The following SCN8A variants were observed in gnomAD, a reference collection of about 807,000 sequenced individuals.
The protein encoded by SCN8A is sodium channel protein type 8 subunit alpha.
Under a neutral mutation model 184.1 loss-of-function variants are expected in SCN8A, and 30 were observed. The ratio of observed to expected loss-of-function variants is 0.16; its 90% CI spans 0.12 to 0.22. The LOEUF is 0.22. Among genes scored for constraint, SCN8A ranks in the 10% least tolerant of loss-of-function variants. The pLI, the probability that SCN8A is intolerant of heterozygous loss-of-function variation, is 1.00. For synonymous variants in SCN8A, 852 were observed against 907.0 expected, an observed-to-expected ratio of 0.94 and a Z score of 1.09; for missense variants, 1,057 against 2,498.9, an observed-to-expected ratio of 0.42 and a Z score of 12.30.
chr12:51,794,909 C>G (rs1179691548), intron 26 of SCN8A, among the ~76,000 whole-genome samples: 3 of 151,844 alleles, frequency 2.0e-5, no homozygotes, highest in Non-Finnish European at 4.4e-5. Context: ...TTGGTTCTTG[C>G]TTTTAAGGAG....
At chr12:51,782,900 C>T (rs1198080095) in intron 21 of SCN8A, among the ~76,000 whole-genome samples, 1 of 152,136 alleles carries the variant, frequency 6.6e-6, no homozygotes, top group East Asian at 1.9e-4. Flanking sequence ...TTGGAGGTCC[C>T]GAATGAATAA....
intron 7 of SCN8A, among the ~76,000 whole-genome samples, chr12:51,700,446 T>C (rs942180774): frequency 6.6e-6 from 1 of 152,222 alleles, no homozygotes; most frequent in Admixed American, 6.5e-5. Context: ...AACTCAAATT[T>C]TCTTAATACT....
chr12:51,785,112 C>T (rs914292483), intron 21 of SCN8A, among the ~76,000 whole-genome samples: 5 of 152,184 alleles, frequency 3.3e-5, no homozygotes, highest in African/African-American at 1.2e-4. Flanking sequence ...TTCTTTTGCA[C>T]ATTTCATTGC....
At chr12:51,800,824 G>C (rs1451841749) in intron 26 of SCN8A, among the ~76,000 whole-genome samples, 2 of 152,206 alleles carry the variant, frequency 1.3e-5, no homozygotes, top group Admixed American at 1.3e-4. Flanking sequence ...CAGTTACCCT[G>C]GTAAAAGACC....
chr12:51,796,377 A>G (rs2138922891), intron 26 of SCN8A, among the ~76,000 whole-genome samples: 1 of 152,224 alleles, frequency 6.6e-6, no homozygotes. Context: ...TGCTCTTGAA[A>G]CTTTCCTGGC....
chr12:51,722,109 G>A (rs1241499511), intron 12 of SCN8A: 7 of 777,906 alleles, frequency 9.0e-6, no homozygotes, highest in African/African-American at 8.7e-5. Flanking sequence ...TCTCTCTTCA[G>A]TTTTCCCCCT....
chr12:51,796,459 A>G (rs536279532), intron 26 of SCN8A, among the ~76,000 whole-genome samples: 1 of 152,362 alleles, frequency 6.6e-6, no homozygotes, highest in African/African-American at 2.4e-5. Context: ...GTACTCTAAA[A>G]AGAGGAAGAT....
intron 26 of SCN8A, among the ~76,000 whole-genome samples, chr12:51,800,099 G>A (rs2099715): frequency 0.11 from 16,230 of 152,252 alleles, 1,135 homozygotes; most frequent in East Asian, 0.36. Context: ...CAAAGCCAGG[G>A]AGTTTATATA....
At chr12:51,749,696 G>A (rs1287957337) in intron 13 of SCN8A, among the ~76,000 whole-genome samples, 1 of 152,044 alleles carries the variant, frequency 6.6e-6, no homozygotes, top group Admixed American at 6.6e-5. Flanking sequence ...AGCAACCAGG[G>A]AACCAATCAG....
intron 26 of SCN8A, among the ~76,000 whole-genome samples, chr12:51,795,636 G>T (rs74093918): frequency 0.037 from 5,631 of 152,276 alleles, 313 homozygotes; most frequent in African/African-American, 0.12. Context: ...ACTAATCCTA[G>T]ACATTTCTCC....
At chr12:51,758,084 G>A (rs1466015037) in intron 14 of SCN8A, among the ~76,000 whole-genome samples, 6 of 152,180 alleles carry the variant, frequency 3.9e-5, no homozygotes, top group South Asian at 2.1e-4. Context: ...ATTTGATGCC[G>A]AAGTGCTCCA....
At chr12:51,692,106 G>T (rs1289589633) in intron 6 of SCN8A, among the ~76,000 whole-genome samples, 1 of 152,170 alleles carries the variant, frequency 6.6e-6, no homozygotes, top group Non-Finnish European at 1.5e-5. Context: ...TGGAATTGTT[G>T]TTCTCTTTGT....
At chr12:51,719,943 G>A (rs1167562674) in intron 11 of SCN8A, among the ~76,000 whole-genome samples, 7 of 151,850 alleles carry the variant, frequency 4.6e-5, no homozygotes, top group Admixed American at 1.3e-4. Context: ...GGGCGTGGTA[G>A]CGGGCGCCTG....
chr12:51,739,973 C>G (rs955464066), intron 12 of SCN8A, among the ~76,000 whole-genome samples: 1 of 152,148 alleles, frequency 6.6e-6, no homozygotes. Flanking sequence ...TAAAAGTATC[C>G]CTTTTGGGAA....
Position 51,758,650 on chromosome 12 carries a change from C to G in SCN8A, c.2371-3853C>G, listed in dbSNP as rs1942715389. 3.3e-5 allele frequency among the ~76,000 whole-genome samples: 5 copies of G among 152,276 alleles called. No individual in the cohort carries two copies. The South Asian group carries it at 1.0e-3, about 32-fold the overall frequency. On this transcript the variant is annotated intron_variant, in intron 14 of 26. Coordinates refer to ENST00000627620, the MANE Select transcript of SCN8A (RefSeq NM_001330260.2). ...ATGGAGTTTCACCATGTTGGCCAGG[C>G]TGGTCTTGAACTCCTGACCTCAAGT...
chr12:51,792,535 A>G (rs1938291101), intron 25 of SCN8A, among the ~76,000 whole-genome samples: 1 of 150,086 alleles, frequency 6.7e-6, no homozygotes, highest in Non-Finnish European at 1.5e-5. Flanking sequence ...AGAGCTGGGG[A>G]AAGAGATTCC....
At chr12:51,623,764 C>T (rs2138601704) in intron 1 of SCN8A, among the ~76,000 whole-genome samples, 1 of 152,270 alleles carries the variant, frequency 6.6e-6, no homozygotes, top group South Asian at 2.1e-4. Context: ...TCCCTTCCTC[C>T]TCCCCCCACC....
At chr12:51,757,008 A>AT (rs1443137669) in intron 14 of SCN8A, among the ~76,000 whole-genome samples, 1 of 152,108 alleles carries the variant, frequency 6.6e-6, no homozygotes, top group African/African-American at 2.4e-5. Context: ...TTCTTTTCAG[A>AT]TTTTTTCTTT....
Position 51,721,627 on chromosome 12 carries a change from C to A in SCN8A, c.1717C>A (p.Arg573=), listed in dbSNP as rs370074236. ...SSIFSFRGPG[R]FRDPGSENEF... The stretch of plus-strand genomic sequence containing the variant: ...CATCTTCAGTTTCAGGGGACCTGGG[C>A]GGTTCCGAGACCCGGGCTCCGAGAA... Residue 573 remains arginine (R), a synonymous_variant, in exon 12 of 27, where the codon CGG becomes AGG. Transcript: ENST00000627620. 2.1e-5 allele frequency: 34 copies of A among 1,612,720 alleles called. No individual in the cohort carries two copies. Among genetic ancestry groups the A allele is most frequent in the Admixed American group, 3.3e-5 (2 of 59,876 alleles).
Sources: gnomAD v4.1 joint callset for allele counts (sites outside exome capture counted in the v4.1 genomes callset) on GRCh38, gnomAD v4.1.1 for gene constraint, MANE v1.5 for transcripts, NCBI Gene and HGNC (gene_info 2026-07-23, HGNC 2026-07-21) for gene names.